KALRN: variants seen among roughly 807,000 people sequenced by gnomAD.
KALRN encodes kalirin.
Under a neutral mutation model 353.7 loss-of-function variants are expected in KALRN, and 70 were observed. That is an observed-to-expected ratio of 0.20 (90% confidence interval 0.16 to 0.24). The LOEUF is 0.24. Among genes scored for constraint, KALRN ranks in the 10% least tolerant of loss-of-function variants. KALRN has a pLI of 1.00. For missense variants in KALRN, 2,791 were observed against 3,756.7 expected, an observed-to-expected ratio of 0.74 and a Z score of 6.72; for synonymous variants, 1,391 against 1,434.8, an observed-to-expected ratio of 0.97 and a Z score of 0.69.
intron 33 of KALRN, among the ~76,000 whole-genome samples, chr3:124,498,170 C>T (rs949773817): frequency 1.3e-5 from 2 of 152,144 alleles, no homozygotes; most frequent in African/African-American, 4.8e-5. Flanking sequence ...AAAGTCAAAG[C>T]GTTGAATTCC....
At chr3:124,654,641 G>A (rs1000826020) in intron 38 of KALRN, among the ~76,000 whole-genome samples, 1 of 152,020 alleles carries the variant, frequency 6.6e-6, no homozygotes, top group African/African-American at 2.4e-5. Context: ...GAGTGTTTGG[G>A]TTTGAGGCTT....
chr3:124,164,054 A>G (rs953127976), intron 1 of KALRN: 1 of 861,270 alleles, frequency 1.2e-6, no homozygotes, highest in African/African-American at 1.8e-5. Context: ...GTCAGTTTTT[A>G]TAGCTATCAC....
chr3:124,268,480 G>C, intron 4 of KALRN: 1 of 480,490 alleles, frequency 2.1e-6, no homozygotes, highest in South Asian at 3.0e-5. Context: ...GAGGAGAGGA[G>C]GGACACAAAA....
In KALRN at chr3:124,470,853, T is replaced by G. The variant is rs559616829; in HGVS notation, c.4032-3810T>G. Among the ~76,000 whole-genome samples the G allele has an allele frequency of 5.9e-5, 9 of 152,356 alleles. No homozygotes were observed. The South Asian group carries it at 1.7e-3, about 28-fold the overall frequency. On this transcript the variant is annotated intron_variant, in intron 25 of 59. Transcript: ENST00000682506. ...TTTGAGAAGCACTGCATATTGTATT[T>G]ACTTCAGAGGTTTATAGTGTAACTC...
At chr3:124,354,352 A>T (rs1238242473) in intron 10 of KALRN, among the ~76,000 whole-genome samples, 1 of 152,228 alleles carries the variant, frequency 6.6e-6, no homozygotes, top group Non-Finnish European at 1.5e-5. Flanking sequence ...GATGGTATTT[A>T]AAAAGTTTTC....
At chr3:124,119,040 C>G (rs747719278) in intron 1 of KALRN, among the ~76,000 whole-genome samples, 29 of 152,206 alleles carry the variant, frequency 1.9e-4, no homozygotes, top group Admixed American at 3.9e-4. Flanking sequence ...CTCTCAACCC[C>G]CACCTTGTTT....
At chr3:124,604,324 GT>G (rs1180259354) in intron 34 of KALRN, among the ~76,000 whole-genome samples, 1 of 152,108 alleles carries the variant, frequency 6.6e-6, no homozygotes, top group East Asian at 1.9e-4. Flanking sequence ...GCCTTGGATA[GT>G]GTATTCTCCA....
intron 14 of KALRN, among the ~76,000 whole-genome samples, chr3:124,421,212 T>C (rs2150351235): frequency 6.6e-6 from 1 of 152,292 alleles, no homozygotes; most frequent in East Asian, 1.9e-4. Context: ...GTTAGGATTT[T>C]CCTAGATCTA....
At chr3:124,670,465 G>T (rs56299577) in intron 47 of KALRN, among the ~76,000 whole-genome samples, 18,724 of 152,198 alleles carry the variant, frequency 0.12, 1,254 homozygotes, top group African/African-American at 0.16. Flanking sequence ...ACATACAAGA[G>T]ACAAGGATGT....
At chr3:124,184,475 T>C (rs1286367920) in intron 1 of KALRN, among the ~76,000 whole-genome samples, 1 of 152,198 alleles carries the variant, frequency 6.6e-6, no homozygotes, top group African/African-American at 2.4e-5. Flanking sequence ...AGCTCTACCT[T>C]GATCCCCAGC....
At position 124,455,170 on chromosome 3, in the gene KALRN, G is replaced by C; in HGVS notation, c.3553-7G>C. 6.2e-7 allele frequency: 1 copy of C among 1,613,944 alleles called. No individual in the cohort carries two copies. The highest frequency in any genetic ancestry group is 8.5e-7 in the Non-Finnish European group (1 of 1,179,902). On this transcript the variant is annotated splice_polypyrimidine_tract_variant and splice_region_variant and intron_variant, in intron 21 of 59. Coordinates refer to ENST00000682506, the MANE Select transcript of KALRN (RefSeq NM_001388419.1). ...ATCCAGTAACTTAAGGCCATCTTTT[G>C]GGGCAGCAAACAAAGGAGAAGGTGA...
At chr3:124,491,466 T>C in intron 31 of KALRN, 42 bp downstream of exon 31, 2 of 1,424,318 alleles carry the variant, frequency 1.4e-6, no homozygotes, top group Non-Finnish European at 1.9e-6. Context: ...GGGTTGGGGA[T>C]AATAGAAGTG....
intron 1 of KALRN, among the ~76,000 whole-genome samples, chr3:124,175,157 C>T (rs2072485478): frequency 6.6e-6 from 1 of 152,242 alleles, no homozygotes; most frequent in Non-Finnish European, 1.5e-5. Context: ...TCTGTACTTG[C>T]CACGTGCCCT....
rs371046393 is a variant in KALRN at position 124,527,313 on chromosome 3, A to T, written c.4935+30900A>T. On this transcript the variant is annotated intron_variant, in intron 33 of 59. Transcript: ENST00000682506. ...AAATCTCTCTTTATTACTTCCCACA[A>T]AAAGCATGAAGATTGGCTGGGCATG... 5.9e-5 allele frequency among the ~76,000 whole-genome samples: 9 copies of T among 152,282 alleles called. No homozygotes were observed. In the East Asian group the frequency reaches 1.5e-3, roughly 26 times the overall value.
chr3:124,256,722 C>T (rs1454217147), intron 3 of KALRN, among the ~76,000 whole-genome samples: 1 of 152,174 alleles, frequency 6.6e-6, no homozygotes, highest in Non-Finnish European at 1.5e-5. Context: ...GGAGATGACT[C>T]TGTGGGCATC....
At chr3:124,565,143 C>A (rs1237107439) in intron 34 of KALRN, among the ~76,000 whole-genome samples, 1 of 152,214 alleles carries the variant, frequency 6.6e-6, no homozygotes. Context: ...CAGCAGCAGG[C>A]TGAATTGTTT....
intron 1 of KALRN, among the ~76,000 whole-genome samples, chr3:124,196,508 C>T (rs1204021354): frequency 6.6e-6 from 1 of 152,052 alleles, no homozygotes; most frequent in African/African-American, 2.4e-5. Context: ...AACACATTTC[C>T]CTTAGAGCTT....
chr3:124,704,538 CTTTT>C (rs3058054), intron 57 of KALRN, among the ~76,000 whole-genome samples: 41,693 of 151,294 alleles, frequency 0.28, 6,874 homozygotes, highest in East Asian at 0.48. Context: ...CATGGAAATT[CTTTT>C]TTTTTCTTTT....
chr3:124,529,974 T>G (rs2067905176), intron 33 of KALRN, among the ~76,000 whole-genome samples: 1 of 152,126 alleles, frequency 6.6e-6, no homozygotes, highest in African/African-American at 2.4e-5. Context: ...TCAAAGACAG[T>G]GTTGATTGCA....
Sources: gnomAD v4.1 joint callset for allele counts (sites outside exome capture counted in the v4.1 genomes callset) on GRCh38, gnomAD v4.1.1 for gene constraint, MANE v1.5 for transcripts, NCBI Gene and HGNC (gene_info 2026-07-23, HGNC 2026-07-21) for gene names.